Variants in RAP1B observed in about 807,000 individuals in gnomAD.
RAP1B encodes the protein ras-related protein Rap-1b.
In RAP1B, 1 loss-of-function variant was observed where a neutral mutation model predicts 27.5. That is an observed-to-expected ratio of 0.04 (90% confidence interval 0.01 to 0.17). The LOEUF (loss-of-function observed/expected upper bound fraction) is 0.17, where lower values mean the gene tolerates loss of function less well. RAP1B is among the 10% of genes least tolerant of loss of function. The pLI is 1.00. For synonymous variants in RAP1B, 75 were observed against 73.1 expected, an observed-to-expected ratio of 1.03 and a Z score of -0.13; for missense variants, 84 against 214.8, an observed-to-expected ratio of 0.39 and a Z score of 3.81.
At chr12:68,628,972 C>G (rs550318778) in intron 1 of RAP1B, among the ~76,000 whole-genome samples, 6 of 152,212 alleles carry the variant, frequency 3.9e-5, no homozygotes, top group African/African-American at 1.4e-4. Flanking sequence ...TAATCTGAAT[C>G]ACAAATCCTT....
chr12:68,628,656 G>A (rs1872001041), intron 1 of RAP1B, among the ~76,000 whole-genome samples: 1 of 152,032 alleles, frequency 6.6e-6, no homozygotes, highest in African/African-American at 2.4e-5. Flanking sequence ...AGGCCCTGAT[G>A]GTGTCACTTT....
chr12:68,622,370 AATACCCTCCGGTCCCAAT>A (rs1274346293), intron 1 of RAP1B, among the ~76,000 whole-genome samples: 1 of 152,236 alleles, frequency 6.6e-6, no homozygotes. Context: ...CAGATCATGT[AATACCCTCCGGTCCCAAT>A]TTACCCTTAA....
rs891519319 is a variant in RAP1B at position 68,664,965 on chromosome 12, A to G, written c.*5716A>G. Reference sequence around the variant, plus strand: ...GGTCAATGTCAGATTTCCTGAGCAAATCAACCAATAATGAAAAACTATGTG... The same window carrying G: ...GGTCAATGTCAGATTTCCTGAGCAAGTCAACCAATAATGAAAAACTATGTG... On this transcript the variant is annotated 3_prime_UTR_variant, in exon 8 of 8. Coordinates refer to ENST00000250559, the MANE Select transcript of RAP1B (RefSeq NM_001010942.3). 2 of 152,120 alleles carry G rather than the reference A, an allele frequency of 1.3e-5. No homozygotes were observed. The highest frequency in any genetic ancestry group is 2.9e-5 in the Non-Finnish European group (2 of 68,020). 9.4% of individuals were successfully genotyped at this position (152,120 alleles called of 1,614,324 possible).
rs1486351979 is a variant in RAP1B, at chr12:68,662,427, C to T, written c.*3178C>T. ...TGTTTCTTAAACGTAAATAGCTCAT[C>T]TTTACCATATGTGGGCATTACAAAT... On this transcript the variant is annotated 3_prime_UTR_variant, in exon 8 of 8. Transcript: ENST00000250559. 1 of 151,502 alleles carries T rather than the reference C, an allele frequency of 6.6e-6. No homozygotes were observed. Among genetic ancestry groups the T allele is most frequent in the African/African-American group, 2.4e-5 (1 of 41,342 alleles). 9.4% of individuals were successfully genotyped at this position (151,502 alleles called of 1,614,324 possible). A position where few individuals can be genotyped will look rare whatever the true frequency, so the allele number is the denominator to read the frequency against.
chr12:68,650,206 ATTAT>A, intron 2 of RAP1B, 190 bp from the exon 3 acceptor site: 1 of 420,040 alleles, frequency 2.4e-6, no homozygotes, highest in Non-Finnish European at 4.1e-6. Context: ...GAGCATAGTG[ATTAT>A]TTATTTAAAA....
chr12:68,628,538 T>G (rs1871991532), intron 1 of RAP1B, among the ~76,000 whole-genome samples: 1 of 152,192 alleles, frequency 6.6e-6, no homozygotes, highest in African/African-American at 2.4e-5. Flanking sequence ...TTAGAAAATT[T>G]AGCAAAAACT....
chr12:68,627,060 A>C (rs1179756600), intron 1 of RAP1B: 2 of 1,593,784 alleles, frequency 1.3e-6, no homozygotes, highest in African/African-American at 2.7e-5. Flanking sequence ...GGCCCTGCGC[A>C]GGGCCTCAAT....
rs148305371 is a variant in RAP1B, at chr12:68,625,848, G to A, written c.-27+14805G>A. 9.2e-5 allele frequency among the ~76,000 whole-genome samples: 14 copies of A among 152,176 alleles called. No individual in the cohort carries two copies. In the East Asian group the frequency reaches 2.5e-3, roughly 27 times the overall value. On this transcript the variant is annotated intron_variant, in intron 1 of 7. Coordinates refer to ENST00000250559, the MANE Select transcript of RAP1B (RefSeq NM_001010942.3). ...GAGGCAAGAGAATTGCTTGAATCCA[G>A]GAGGCAGATGTTGCAGTGAGCCAAG...
Position 68,650,396 on chromosome 12 carries a change from T to G in RAP1B, c.58-4T>G, listed in dbSNP as rs758580175. ...GTATAATGGTTTCTTAATTTTTTTT[T>G]CAGACTGTACAATTTGTTCAAGGAA... On this transcript the variant is annotated splice_region_variant and splice_polypyrimidine_tract_variant and intron_variant, in intron 2 of 7. Transcript: ENST00000250559. 1.3e-6 allele frequency: 2 copies of G among 1,545,650 alleles called. No individual in the cohort carries two copies. Among genetic ancestry groups the G allele is most frequent in the Non-Finnish European group, 1.7e-6 (2 of 1,145,676 alleles).
intron 1 of RAP1B, among the ~76,000 whole-genome samples, chr12:68,614,532 G>A (rs1313006192): frequency 6.6e-6 from 1 of 152,186 alleles, no homozygotes; most frequent in Non-Finnish European, 1.5e-5. Flanking sequence ...AGAAAAGTTA[G>A]GTAAAGATTG....
chr12:68,645,181 A>G (rs1035676193), intron 1 of RAP1B, among the ~76,000 whole-genome samples: 3 of 152,238 alleles, frequency 2.0e-5, no homozygotes, highest in Non-Finnish European at 4.4e-5. Flanking sequence ...TGGAGTTTAC[A>G]TTCTTTGTAA....
rs997783292 is a variant in RAP1B, at chr12:68,660,904, TGTG to T, written c.*1658_*1660del. ...AAATACAGGATTGAAGTTAGAATATTGTGGTTATAAAAATCTTTGAGTGATGTG... is the reference window on the plus strand; with the variant it reads ...AAATACAGGATTGAAGTTAGAATATTGTTATAAAAATCTTTGAGTGATGTG... On this transcript the variant is annotated 3_prime_UTR_variant, in exon 8 of 8. Transcript: ENST00000250559. 6.6e-5 allele frequency: 10 copies of T among 152,306 alleles called. No homozygotes were observed. The highest frequency in any genetic ancestry group is 2.2e-4 in the African/African-American group (9 of 41,568). The allele number at this position is 152,306 out of a possible 1,614,324, so 9.4% of individuals were successfully genotyped here.
At chr12:68,658,215 T>A (rs1413323644) in intron 7 of RAP1B, among the ~76,000 whole-genome samples, 1 of 152,248 alleles carries the variant, frequency 6.6e-6, no homozygotes, top group African/African-American at 2.4e-5. Flanking sequence ...TGATTCTGCA[T>A]CTTTTCAGAG....
chr12:68,650,387 AT>A lies in RAP1B; in HGVS notation c.58-4del, dbSNP rs747450838. The A allele has an allele frequency of 1.1e-4, 174 of 1,523,546 alleles. No homozygotes were observed. Among genetic ancestry groups the A allele is most frequent in the Admixed American group, 3.5e-4 (16 of 46,334 alleles). The allele number at this position is 1,523,546 out of a possible 1,614,324, so 94.4% of individuals were successfully genotyped here. ...TCTTTAGAAGTATAATGGTTTCTTA[AT>A]TTTTTTTTCAGACTGTACAATTTGT... On this transcript the variant is annotated splice_polypyrimidine_tract_variant and intron_variant, in intron 2 of 7. Coordinates refer to ENST00000250559, the MANE Select transcript of RAP1B (RefSeq NM_001010942.3).
Position 68,669,064 on chromosome 12 carries a change from C to CA in RAP1B, c.*9822dup, listed in dbSNP as rs1388469173. The CA allele has an allele frequency of 2.0e-5, 3 of 151,930 alleles. No homozygotes were observed. Among genetic ancestry groups the CA allele is most frequent in the Non-Finnish European group, 1.5e-5 (1 of 67,980 alleles). The allele number at this position is 151,930 out of a possible 1,614,324, so 9.4% of individuals were successfully genotyped here. ...ATTATAAGTGAATACCTTGAAAGCT[C>CA]AAAAAAATCTATTAGAAGTATTCAG... is the stretch of plus-strand genomic sequence containing the variant. On this transcript the variant is annotated 3_prime_UTR_variant, in exon 8 of 8. Coordinates refer to ENST00000250559, the MANE Select transcript of RAP1B (RefSeq NM_001010942.3).
rs74977512 is a variant in RAP1B at position 68,648,328 on chromosome 12, A to G, written c.-26-371A>G. 7.4e-3 allele frequency among the ~76,000 whole-genome samples: 1,126 copies of G among 152,302 alleles called. 10 individuals carry two copies. The highest frequency in any genetic ancestry group is 0.025 in the African/African-American group (1,050 of 41,558). ...CATTTATGTATGCCAGGGCTTGGCC[A>G]GATACGTAAATATTTAGGCTCTGTT... On this transcript the variant is annotated intron_variant, in intron 1 of 7. Transcript: ENST00000250559.
At chr12:68,625,644 G>A (rs1838241817) in intron 1 of RAP1B, among the ~76,000 whole-genome samples, 1 of 152,198 alleles carries the variant, frequency 6.6e-6, no homozygotes, top group Non-Finnish European at 1.5e-5. Flanking sequence ...AGATGAGGCT[G>A]GGTGTGGGGC....
At chr12:68,636,696 A>C (rs1239635419) in intron 1 of RAP1B, among the ~76,000 whole-genome samples, 3 of 151,466 alleles carry the variant, frequency 2.0e-5, no homozygotes, top group African/African-American at 7.3e-5. Flanking sequence ...TTGTACAGGT[A>C]GGTGTGAGCC....
intron 1 of RAP1B, chr12:68,625,014 C>T (rs551545994): frequency 6.6e-6 from 1 of 152,244 alleles, no homozygotes; most frequent in South Asian, 2.1e-4. Flanking sequence ...TGCCTTTATC[C>T]ATTTGTTTGG....
Sources: gnomAD v4.1 joint callset for allele counts (sites outside exome capture counted in the v4.1 genomes callset) on GRCh38, gnomAD v4.1.1 for gene constraint, MANE v1.5 for transcripts, NCBI Gene and HGNC (gene_info 2026-07-23, HGNC 2026-07-21) for gene names.